The following GOLGA4 variants were observed in gnomAD, a reference collection of about 807,000 sequenced individuals.
GOLGA4 encodes the protein golgin A4, also known as golgin subfamily A member 4.
In GOLGA4, 169 loss-of-function variants were observed where a neutral mutation model predicts 265.9. The ratio of observed to expected loss-of-function variants is 0.64; its 90% CI spans 0.56 to 0.72. The LOEUF is 0.72. GOLGA4 is among the 30% of genes least tolerant of loss of function. The pLI, the probability that GOLGA4 is intolerant of heterozygous loss-of-function variation, is 0.00. For synonymous variants in GOLGA4, 923 were observed against 855.8 expected (o/e 1.08, Z -1.37); for missense variants, 2,482 against 2,483.4 (o/e 1.00, Z 0.01).
At chr3:37,279,134 G>C (rs1578470792) in intron 2 of GOLGA4, among the ~76,000 whole-genome samples, 3 of 152,234 alleles carry the variant, frequency 2.0e-5, no homozygotes, top group Admixed American at 2.0e-4. Context: ...TGAAGACATG[G>C]TAAAAAGCAC....
At chr3:37,363,079 G>A (rs1218600536) in intron 23 of GOLGA4, among the ~76,000 whole-genome samples, 2 of 152,006 alleles carry the variant, frequency 1.3e-5, no homozygotes, top group African/African-American at 4.8e-5. Context: ...ACTGTGCCTG[G>A]CCCTCTAAGC....
At chr3:37,359,188 G>A (rs2097098113) in intron 22 of GOLGA4, among the ~76,000 whole-genome samples, 1 of 152,046 alleles carries the variant, frequency 6.6e-6, no homozygotes, top group African/African-American at 2.4e-5. Context: ...AGCTTAGATG[G>A]CCAGAGTAGA....
At chr3:37,338,160 A>G (rs905104387) in intron 19 of GOLGA4, among the ~76,000 whole-genome samples, 1 of 152,178 alleles carries the variant, frequency 6.6e-6, no homozygotes, top group African/African-American at 2.4e-5. Flanking sequence ...GTACACCTTC[A>G]AGGATGCACA....
In GOLGA4 at chr3:37,318,945, G is replaced by A. The variant is rs2096946021; in HGVS notation, c.1414-118G>A. ...AGGAAATGTGTTTTCTCTTAGGAAT[G>A]TGATTTTTTCTTCTTAAAAACTTAT... On this transcript the variant is annotated intron_variant, in intron 11 of 23. Transcript: ENST00000361924. The A allele has an allele frequency of 1.4e-5, 9 of 647,274 alleles. No individual in the cohort carries two copies. The South Asian group carries it at 2.1e-4, about 15-fold the overall frequency. 40.1% of individuals were successfully genotyped at this position (647,274 alleles called of 1,614,324 possible). A position where few individuals can be genotyped will look rare whatever the true frequency, so the allele number is the denominator to read the frequency against.
chr3:37,317,711 A>G (rs944592447), intron 11 of GOLGA4, among the ~76,000 whole-genome samples: 4 of 151,862 alleles, frequency 2.6e-5, no homozygotes, highest in Non-Finnish European at 5.9e-5. Context: ...AATATATATA[A>G]CTCTTAGCAG....
chr3:37,287,827 C>T (rs1375649674), intron 4 of GOLGA4, among the ~76,000 whole-genome samples: 1 of 152,178 alleles, frequency 6.6e-6, no homozygotes, highest in Non-Finnish European at 1.5e-5. Flanking sequence ...CCCCACAATA[C>T]AATCCAGTCA....
intron 1 of GOLGA4, 75 bp downstream of exon 1, chr3:37,243,697 G>T: frequency 8.1e-7 from 1 of 1,240,536 alleles, no homozygotes. Context: ...GAGGCGGGGG[G>T]AGTGGGGAAG....
At chr3:37,305,230 A>T (rs2096902970) in intron 10 of GOLGA4, among the ~76,000 whole-genome samples, 1 of 152,196 alleles carries the variant, frequency 6.6e-6, no homozygotes, top group Non-Finnish European at 1.5e-5. Flanking sequence ...GATTTAAATT[A>T]TTAATGGATA....
intron 23 of GOLGA4, among the ~76,000 whole-genome samples, chr3:37,363,632 T>C (rs1578905195): frequency 6.6e-6 from 1 of 152,354 alleles, no homozygotes; most frequent in Non-Finnish European, 1.5e-5. Flanking sequence ...AAACATAAAC[T>C]AAGTACTTTA....
chr3:37,322,572 C>A (rs59104446), intron 13 of GOLGA4, among the ~76,000 whole-genome samples: 137 of 152,258 alleles, frequency 9.0e-4, no homozygotes, highest in African/African-American at 2.7e-3. Flanking sequence ...CTAACACTTG[C>A]AAAAGGTTCC....
At chr3:37,356,037 G>T (rs2097090045) in intron 22 of GOLGA4, among the ~76,000 whole-genome samples, 1 of 152,086 alleles carries the variant, frequency 6.6e-6, no homozygotes, top group Admixed American at 6.6e-5. Context: ...CCAATAAAGA[G>T]CATAAGCCAG....
intron 2 of GOLGA4, among the ~76,000 whole-genome samples, chr3:37,266,077 C>A (rs1215514640): frequency 6.7e-6 from 1 of 150,294 alleles, no homozygotes; most frequent in Non-Finnish European, 1.5e-5. Flanking sequence ...GTATTGTTAA[C>A]TGTAGGCACT....
At chr3:37,264,629 CT>C (rs960877163) in intron 2 of GOLGA4, among the ~76,000 whole-genome samples, 4 of 151,326 alleles carry the variant, frequency 2.6e-5, no homozygotes, top group Non-Finnish European at 4.4e-5. Flanking sequence ...CTTTTGCAGA[CT>C]TTTTTTTTCA....
chr3:37,271,923 C>T (rs1481263715), intron 2 of GOLGA4, among the ~76,000 whole-genome samples: 1 of 152,052 alleles, frequency 6.6e-6, no homozygotes, highest in South Asian at 2.1e-4. Flanking sequence ...GTCATAGGAG[C>T]GTGAACCCTG....
At position 37,347,254 on chromosome 3, in the gene GOLGA4, G is replaced by A. The variant is rs1302069165; in HGVS notation, c.6534G>A (p.Leu2178=). 1.2e-6 allele frequency: 2 copies of A among 1,612,580 alleles called. No homozygotes were observed. The highest frequency in any genetic ancestry group is 1.7e-6 in the Non-Finnish European group (2 of 1,178,888). Residue 2178 remains leucine (L), a synonymous_variant, in exon 21 of 24, where the codon TTG becomes TTA. Coordinates refer to ENST00000361924, the MANE Select transcript of GOLGA4 (RefSeq NM_002078.5). The stretch of plus-strand genomic sequence containing the variant: ...GAGAACCTACCGAATTTGAGTATTT[G>A]CGAAAAGTGCTTTTTGAGTATATGA... ...LFGEPTEFEY[L]RKVLFEYMMG...
In GOLGA4 at chr3:37,328,945, T is replaced by C. The variant is rs563436530; in HGVS notation, c.6062-18T>C. The stretch of plus-strand genomic sequence containing the variant: ...TGACTAATGTGTTTTCTTGTGTGTG[T>C]TCATTTTTATTTATTAGATAAGGCC... On this transcript the variant is annotated intron_variant, in intron 15 of 23. Transcript: ENST00000361924. 4 of 1,561,840 alleles carry C rather than the reference T, an allele frequency of 2.6e-6. No homozygotes were observed. Among genetic ancestry groups the C allele is most frequent in the Middle Eastern group, 1.7e-4 (1 of 5,798 alleles).
intron 16 of GOLGA4, among the ~76,000 whole-genome samples, chr3:37,334,831 G>A (rs1021885244): frequency 6.6e-6 from 1 of 152,032 alleles, no homozygotes; most frequent in Non-Finnish European, 1.5e-5. Context: ...CATTGGAAAG[G>A]GCTTGGAGTT....
intron 17 of GOLGA4, among the ~76,000 whole-genome samples, chr3:37,336,188 G>A (rs988922408): frequency 7.2e-5 from 11 of 152,066 alleles, no homozygotes; most frequent in Non-Finnish European, 1.5e-4. Context: ...TAATAGCTAA[G>A]TTAGTTCTGT....
intron 2 of GOLGA4, among the ~76,000 whole-genome samples, chr3:37,272,492 A>C (rs748289494): frequency 1.3e-5 from 2 of 152,214 alleles, no homozygotes; most frequent in Non-Finnish European, 2.9e-5. Flanking sequence ...AGCTGTGAGC[A>C]TGTCATTGCA....
Sources: allele counts gnomAD v4.1 joint callset (sites outside exome capture counted in the v4.1 genomes callset), GRCh38; gene constraint gnomAD v4.1.1; transcripts MANE v1.5; gene names NCBI Gene and HGNC (gene_info 2026-07-23, HGNC 2026-07-21).